The following EVI5 variants were observed in gnomAD, a reference collection of about 807,000 sequenced individuals.
EVI5 encodes the protein ecotropic viral integration site 5 protein homolog.
Under a neutral mutation model 112.0 loss-of-function variants are expected in EVI5, and 73 were observed. The ratio of observed to expected loss-of-function variants is 0.65; its 90% CI spans 0.54 to 0.79. EVI5 has a LOEUF of 0.79. Among genes scored for constraint, EVI5 ranks in the 30% least tolerant of loss-of-function variants. The probability of loss-of-function intolerance (pLI) is 0.00; values close to 1 mark genes in which losing one functional copy is unlikely to be tolerated. For synonymous variants in EVI5, 305 were observed against 319.9 expected (o/e 0.95, Z 0.50); for missense variants, 900 against 968.8 (o/e 0.93, Z 0.94).
At chr1:92,689,867 G>T (rs1230861256) in intron 9 of EVI5, among the ~76,000 whole-genome samples, 1 of 152,056 alleles carries the variant, frequency 6.6e-6, no homozygotes, top group African/African-American at 2.4e-5. Flanking sequence ...TCTGGAAATT[G>T]GTAATTAAAG....
chr1:92,636,465 C>T, intron 13 of EVI5, 129 bp from the exon 14 acceptor site: 1 of 663,442 alleles, frequency 1.5e-6, no homozygotes, highest in Non-Finnish European at 2.4e-6. Context: ...TCCATCTACC[C>T]AATATTTCCA....
At chr1:92,591,534 A>T (rs1326568893) in intron 18 of EVI5, among the ~76,000 whole-genome samples, 2 of 152,222 alleles carry the variant, frequency 1.3e-5, no homozygotes, top group African/African-American at 4.8e-5. Context: ...CATAATGGTA[A>T]AGGGATCAAT....
intron 2 of EVI5, among the ~76,000 whole-genome samples, chr1:92,716,025 G>C (rs1673613434): frequency 6.6e-6 from 1 of 152,144 alleles, no homozygotes; most frequent in Non-Finnish European, 1.5e-5. Context: ...TCCACCTCTG[G>C]GGGGCAAGGT....
chr1:92,640,143 C>T (rs929595405), intron 13 of EVI5, among the ~76,000 whole-genome samples: 5 of 152,070 alleles, frequency 3.3e-5, no homozygotes. Context: ...AATGTAAAAC[C>T]CCAAACCATA....
chr1:92,677,102 C>G, intron 10 of EVI5, 56 bp downstream of exon 10: 2 of 1,021,972 alleles, frequency 2.0e-6, no homozygotes, highest in Non-Finnish European at 3.0e-6. Context: ...TAAACATCTA[C>G]TGTCCAATAA....
At chr1:92,776,868 T>A (rs1418307932) in intron 1 of EVI5, among the ~76,000 whole-genome samples, 2 of 151,162 alleles carry the variant, frequency 1.3e-5, no homozygotes, top group East Asian at 3.9e-4. Context: ...AGTGGCAAGA[T>A]CTCAGCTCAC....
chr1:92,646,453 A>G (rs186785297), intron 13 of EVI5, among the ~76,000 whole-genome samples: 5 of 152,332 alleles, frequency 3.3e-5, no homozygotes, highest in Admixed American at 6.5e-5. Flanking sequence ...AGACTGTTAT[A>G]TTACCGTTTG....
intron 13 of EVI5, among the ~76,000 whole-genome samples, chr1:92,659,820 T>C (rs976698961): frequency 6.6e-6 from 1 of 152,036 alleles, no homozygotes; most frequent in Non-Finnish European, 1.5e-5. Flanking sequence ...ACAGCAAAGA[T>C]ATGGAATCAA....
At chr1:92,607,475 G>T in intron 17 of EVI5, 106 bp downstream of exon 17, 1 of 777,160 alleles carries the variant, frequency 1.3e-6, no homozygotes, top group Non-Finnish European at 1.9e-6. Flanking sequence ...AAAATAGGAC[G>T]AGCTTTTTTG....
At position 92,550,018 on chromosome 1, in the gene EVI5, A is replaced by T. The variant is rs1388708533; in HGVS notation, c.2166+13624T>A. Among the ~76,000 whole-genome samples the T allele has an allele frequency of 3.9e-5, 6 of 152,268 alleles. No homozygotes were observed. In the South Asian group the frequency reaches 1.0e-3, roughly 26 times the overall value. ...TGCTGGGTATATACCCAAAGGATTA[A>T]AAATCATGCTGCTATAAAGACACAT... is the stretch of plus-strand genomic sequence containing the variant. On this transcript the variant is annotated intron_variant, in intron 19 of 19. Coordinates refer to ENST00000684568, the MANE Select transcript of EVI5 (RefSeq NM_001350197.2).
At chr1:92,752,632 G>A (rs1680361434) in intron 1 of EVI5, among the ~76,000 whole-genome samples, 2 of 152,008 alleles carry the variant, frequency 1.3e-5, no homozygotes, top group South Asian at 4.1e-4. Flanking sequence ...GCGGGGAGTC[G>A]ACCTGAGCAT....
intron 1 of EVI5, among the ~76,000 whole-genome samples, chr1:92,763,836 C>T (rs1442458277): frequency 6.6e-6 from 1 of 151,870 alleles, no homozygotes; most frequent in East Asian, 1.9e-4. Flanking sequence ...AACCTTCCAA[C>T]TTCATAAACT....
At chr1:92,557,280 TTTTC>T (rs1667822161) in intron 19 of EVI5, among the ~76,000 whole-genome samples, 1 of 152,050 alleles carries the variant, frequency 6.6e-6, no homozygotes, top group African/African-American at 2.4e-5. Flanking sequence ...CATTTCTCTT[TTTTC>T]TTTTTCTTTT....
At position 92,513,420 on chromosome 1, in the gene EVI5, T is replaced by TA. The variant is rs927912621; in HGVS notation, c.*235dup. On this transcript the variant is annotated 3_prime_UTR_variant, in exon 20 of 20. Transcript: ENST00000684568. ...CAGTAATACTGTTAGAACCTTGTTT[T>TA]ACACATTAACCATATACCAGTCTAC... 4 of 177,110 alleles carry TA rather than the reference T, an allele frequency of 2.3e-5. No individual in the cohort carries two copies. Among genetic ancestry groups the TA allele is most frequent in the Non-Finnish European group, 3.5e-5 (3 of 85,164 alleles). The allele number at this position is 177,110 out of a possible 1,614,324, so 11.0% of individuals were successfully genotyped here.
intron 19 of EVI5, among the ~76,000 whole-genome samples, chr1:92,515,768 C>A (rs1659760538): frequency 6.6e-6 from 1 of 152,128 alleles, no homozygotes; most frequent in Admixed American, 6.5e-5. Flanking sequence ...ACAGCCTCAC[C>A]ATAATACCTC....
At chr1:92,736,045 A>G (rs188184841) in intron 2 of EVI5, among the ~76,000 whole-genome samples, 1 of 151,434 alleles carries the variant, frequency 6.6e-6, no homozygotes, top group African/African-American at 2.4e-5. Flanking sequence ...TCTAAACCAC[A>G]AATCAGATAT....
At chr1:92,650,332 A>G (rs771320828) in intron 13 of EVI5, among the ~76,000 whole-genome samples, 1 of 152,188 alleles carries the variant, frequency 6.6e-6, no homozygotes, top group Admixed American at 6.5e-5. Flanking sequence ...TCACTTATTT[A>G]TATCTTCTTT....
At chr1:92,670,896 A>G (rs1365561474) in intron 10 of EVI5, among the ~76,000 whole-genome samples, 1 of 152,224 alleles carries the variant, frequency 6.6e-6, no homozygotes, top group Non-Finnish European at 1.5e-5. Flanking sequence ...TACTCATGCT[A>G]GCATACTAAG....
chr1:92,715,487 C>T (rs1273768115), intron 2 of EVI5, among the ~76,000 whole-genome samples: 2 of 152,120 alleles, frequency 1.3e-5, no homozygotes, highest in Admixed American at 1.3e-4. Flanking sequence ...AGTAAGGAGG[C>T]GTGTTCCAAG....
Sources: gnomAD v4.1 joint callset for allele counts (sites outside exome capture counted in the v4.1 genomes callset) on GRCh38, gnomAD v4.1.1 for gene constraint, MANE v1.5 for transcripts, NCBI Gene and HGNC (gene_info 2026-07-23, HGNC 2026-07-21) for gene names.